The following ABCC5 variants were observed in gnomAD, a reference collection of about 807,000 sequenced individuals.
The protein encoded by ABCC5 is ATP binding cassette subfamily C member 5, also known as ATP-binding cassette sub-family C member 5.
In ABCC5, 61 loss-of-function variants were observed where a neutral mutation model predicts 160.9. The observed-to-expected ratio is 0.38, with a 90% CI of 0.31 to 0.47. The LOEUF is 0.47. ABCC5 is among the 20% of genes least tolerant of loss of function. ABCC5 has a pLI of 0.99. For synonymous variants in ABCC5, 666 were observed against 700.6 expected (o/e 0.95, Z 0.78); for missense variants, 1,308 against 1,813.3 (o/e 0.72, Z 5.06).
Position 183,965,475 on chromosome 3 carries a change from T to G in ABCC5, c.1860A>C (p.Ala620=). 1.2e-6 allele frequency: 2 copies of G among 1,613,728 alleles called. No individual in the cohort carries two copies. The highest frequency in any genetic ancestry group is 1.7e-6 in the Non-Finnish European group (2 of 1,180,022). The change falls in exon 13 of 30, where the codon GCA becomes GCC. Residue 620 remains alanine, a synonymous_variant. Coordinates refer to ENST00000334444, the MANE Select transcript of ABCC5 (RefSeq NM_005688.4). ...CCACATAAGCGAAGGTTCCACTGAT[T>G]GCAATGCTGCCCTCTAGAAGCGTCA... The part of the protein sequence containing the change: ...GQMTLLEGSI[A]ISGTFAYVAQ...
chr3:183,970,483 C>A (rs532273674), intron 11 of ABCC5, among the ~76,000 whole-genome samples: 2 of 151,626 alleles, frequency 1.3e-5, no homozygotes, highest in Non-Finnish European at 2.9e-5. Flanking sequence ...CACACTGTGC[C>A]ACCCAGGCTG....
At chr3:183,934,553 G>A (rs1713496202) in intron 26 of ABCC5, among the ~76,000 whole-genome samples, 1 of 152,190 alleles carries the variant, frequency 6.6e-6, no homozygotes, top group African/African-American at 2.4e-5. Context: ...TACTGAGCTA[G>A]CCACAAAGCA....
rs755292141 is a variant in ABCC5 at position 183,982,417 on chromosome 3, AAGCTGCCAGGATTC to A, written c.999+20_999+33del. On this transcript the variant is annotated intron_variant, in intron 7 of 29. Coordinates refer to ENST00000334444, the MANE Select transcript of ABCC5 (RefSeq NM_005688.4). This position sits in a 1 kb window ranked among gnomAD's most constrained non-coding sequence, Gnocchi z 5.2. ...TGGAAGTAACTCATCTCCTAAGGAG[AAGCTGCCAGGATTC>A]AGCTGGGAGGCTTACTCACCATTGC... 1.2e-6 allele frequency: 2 copies of A among 1,603,528 alleles called. No individual in the cohort carries two copies. The highest frequency in any genetic ancestry group is 4.5e-5 in the East Asian group (2 of 44,762).
At chr3:183,959,867 C>T in intron 16 of ABCC5, 32 bp from the exon 17 acceptor site, 1 of 1,462,930 alleles carries the variant, frequency 6.8e-7, no homozygotes, top group Non-Finnish European at 9.4e-7. Context: ...AGTCTCCAGT[C>T]ATGTTAGCCA....
chr3:183,966,216 CAT>C (rs1717203774), intron 12 of ABCC5, among the ~76,000 whole-genome samples: 1 of 152,196 alleles, frequency 6.6e-6, no homozygotes, highest in African/African-American at 2.4e-5. Flanking sequence ...AGTACTTGTT[CAT>C]ATAAGCTGGT....
At chr3:183,924,874 CAGGCAGGTTGA>C (rs1712368755) in intron 29 of ABCC5, among the ~76,000 whole-genome samples, 1 of 152,168 alleles carries the variant, frequency 6.6e-6, no homozygotes, top group Admixed American at 6.5e-5. Context: ...TCTTCAGGGA[CAGGCAGGTTGA>C]GAGCAGGTGG....
At chr3:184,009,707 A>T (rs1020683983) in intron 2 of ABCC5, among the ~76,000 whole-genome samples, 2 of 152,234 alleles carry the variant, frequency 1.3e-5, no homozygotes, top group Non-Finnish European at 2.9e-5. Flanking sequence ...TATATACAAA[A>T]ATAGCTTGAA....
chr3:183,985,440 G>C (rs1292279515), intron 5 of ABCC5: 1 of 1,403,352 alleles, frequency 7.1e-7, no homozygotes. Flanking sequence ...TCCAGATCCT[G>C]ACAGCACCAA....
intron 17 of ABCC5, among the ~76,000 whole-genome samples, chr3:183,955,473 G>A (rs538731167): frequency 6.6e-6 from 1 of 152,302 alleles, no homozygotes; most frequent in East Asian, 1.9e-4. Flanking sequence ...AGGTTCCATT[G>A]GGTACCCTTG....
At chr3:183,985,054 G>A (rs748551782) in intron 5 of ABCC5, 21 of 696,732 alleles carry the variant, frequency 3.0e-5, no homozygotes, top group Non-Finnish European at 4.0e-5. Context: ...CTTTCAAAGG[G>A]GGGGAAAAAG....
intron 8 of ABCC5, among the ~76,000 whole-genome samples, chr3:183,979,252 G>A (rs771483455): frequency 2.3e-4 from 35 of 152,094 alleles, no homozygotes; most frequent in Non-Finnish European, 3.8e-4. Context: ...GGCTGAGGCC[G>A]GAGAATTGCC....
chr3:183,942,999 G>A, intron 24 of ABCC5, 83 bp from the exon 25 acceptor site: 1 of 1,416,308 alleles, frequency 7.1e-7, no homozygotes, highest in South Asian at 1.4e-5. Context: ...ATAAAACCAG[G>A]ACAACCATAG....
intron 5 of ABCC5, chr3:183,984,968 GT>G: frequency 7.7e-7 from 1 of 1,297,660 alleles, no homozygotes. Context: ...TCAGCACTGG[GT>G]AATAGCATCA....
chr3:183,936,430 A>T (rs1713725322), intron 26 of ABCC5, among the ~76,000 whole-genome samples: 1 of 152,212 alleles, frequency 6.6e-6, no homozygotes, highest in African/African-American at 2.4e-5. Context: ...GTTTTAAAAC[A>T]AGTCTGAACA....
At chr3:183,986,612 C>G (rs1469513474) in intron 5 of ABCC5, 2 of 152,194 alleles carry the variant, frequency 1.3e-5, no homozygotes, top group East Asian at 3.9e-4. Flanking sequence ...CAAATGGAAT[C>G]AAGAAAGCCC....
intron 25 of ABCC5, among the ~76,000 whole-genome samples, chr3:183,940,129 T>A (rs1315121574): frequency 6.6e-6 from 1 of 152,092 alleles, no homozygotes; most frequent in Non-Finnish European, 1.5e-5. Context: ...AATGCAACAA[T>A]CCTCACATCC....
chr3:183,995,581 A>T (rs926797500), intron 2 of ABCC5, among the ~76,000 whole-genome samples: 2 of 152,176 alleles, frequency 1.3e-5, no homozygotes, highest in Admixed American at 6.5e-5. Flanking sequence ...CTTATGTCGA[A>T]AAGTTGGCCA....
chr3:183,922,642 T>A (rs571593436), intron 29 of ABCC5, among the ~76,000 whole-genome samples: 110 of 152,358 alleles, frequency 7.2e-4, no homozygotes, highest in African/African-American at 2.5e-3. Flanking sequence ...AATGATACGC[T>A]GGCAGAACCC....
Position 183,951,805 on chromosome 3 carries a change from C to A in ABCC5, c.2814+52G>T. 1 of 1,592,414 alleles carries A rather than the reference C, an allele frequency of 6.3e-7. No individual in the cohort carries two copies. The highest frequency in any genetic ancestry group is 8.6e-7 in the Non-Finnish European group (1 of 1,167,938). ...TGAACTGAGAGACGCCACACCAAAG[C>A]CTGACCACAGGTCACCAGGGAGGAG... On this transcript the variant is annotated intron_variant, in intron 19 of 29. Transcript: ENST00000334444. The surrounding 1 kb of genome is among the most constrained non-coding windows in gnomAD (Gnocchi z 4.7).
Sources: gnomAD v4.1 joint callset for allele counts (sites outside exome capture counted in the v4.1 genomes callset) on GRCh38, gnomAD v4.1.1 for gene constraint, Gnocchi (gnomAD v3.1) non-coding constraint, MANE v1.5 for transcripts, NCBI Gene and HGNC (gene_info 2026-07-23, HGNC 2026-07-21) for gene names.